The following ESR1 variants were observed in gnomAD, a reference collection of about 807,000 sequenced individuals.
ESR1 encodes the protein estrogen receptor 1, also known as estrogen receptor.
ESR1 carries 12 observed loss-of-function variants against 52.7 expected under a neutral mutation model. That is an observed-to-expected ratio of 0.23 (90% CI 0.15 to 0.37). The LOEUF (loss-of-function observed/expected upper bound fraction) is 0.37. Among genes scored for constraint, ESR1 ranks in the 10% least tolerant of loss-of-function variants. The probability of loss-of-function intolerance (pLI) is 1.00; values close to 1 mark genes in which losing one functional copy is unlikely to be tolerated. For missense variants in ESR1, 584 were observed against 779.7 expected (o/e 0.75, Z 2.99); for synonymous variants, 305 against 316.8 (o/e 0.96, Z 0.39).
chr6:152,036,425 CTTATTT>C (rs2128881916), intron 5 of ESR1, among the ~76,000 whole-genome samples: 1 of 152,242 alleles, frequency 6.6e-6, no homozygotes, highest in Admixed American at 6.5e-5. Flanking sequence ...AAAATGGTTA[CTTATTT>C]TTATTATGCT....
At chr6:151,921,626 C>T (rs1160431765) in intron 3 of ESR1, among the ~76,000 whole-genome samples, 3 of 152,158 alleles carry the variant, frequency 2.0e-5, no homozygotes, top group African/African-American at 7.2e-5. Flanking sequence ...TTAATGATCA[C>T]CATTCTGACT....
chr6:151,796,903 C>T (rs1044456458), intron 2 of ESR1, among the ~76,000 whole-genome samples: 18 of 152,188 alleles, frequency 1.2e-4, no homozygotes, highest in African/African-American at 3.4e-4. Flanking sequence ...CGAAAGAGGC[C>T]GAGCCAATCT....
At chr6:152,023,913 T>C (rs528180774) in intron 5 of ESR1, among the ~76,000 whole-genome samples, 2 of 152,272 alleles carry the variant, frequency 1.3e-5, no homozygotes, top group Non-Finnish European at 2.9e-5. Flanking sequence ...TTTTTGTAAA[T>C]AAAATGTTAC....
At chr6:151,848,848 CAA>C (rs569646750) in intron 2 of ESR1, among the ~76,000 whole-genome samples, 19 of 152,234 alleles carry the variant, frequency 1.2e-4, no homozygotes, top group Admixed American at 7.9e-4. Flanking sequence ...ATCTTACTCT[CAA>C]GAGAAAAATT....
intron 2 of ESR1, among the ~76,000 whole-genome samples, chr6:151,781,884 T>C (rs1394001865): frequency 2.0e-5 from 3 of 152,192 alleles, no homozygotes; most frequent in Non-Finnish European, 2.9e-5. Context: ...ATTTAGAGTG[T>C]CTGGTATAAA....
At chr6:152,114,630 GC>G (rs1318578120) in intron 6 of ESR1, among the ~76,000 whole-genome samples, 3 of 151,982 alleles carry the variant, frequency 2.0e-5, no homozygotes, top group Non-Finnish European at 2.9e-5. Flanking sequence ...GGTGGCTCAC[GC>G]CTGTAATCCC....
chr6:151,944,387 G>T lies in ESR1; in HGVS notation c.975G>T (p.Pro325=), dbSNP rs1801132. ...GTGCCTTGTTGGATGCTGAGCCCCC[G>T]ATACTCTATTCCGAGTATGATCCTA... ...MVSALLDAEP[P]ILYSEYDPTR... is the part of the protein sequence containing the mutation. Residue 325 remains proline, a synonymous_variant, in exon 4 of 8, where the codon CCG becomes CCT. Transcript: ENST00000206249. 6.2e-7 allele frequency: 1 copy of T among 1,613,982 alleles called. No homozygotes were observed.
Position 151,757,765 on chromosome 6 carries a change from C to T in ESR1, c.-70-50078C>T, listed in dbSNP as rs187210058. On this transcript the variant is annotated intron_variant, in intron 2 of 2. Transcript: ENST00000404742. ...CAGTTCTCAGAACAGGTGCCACGACCGAGGAGACAAAACAAGAGCTATAGA... is the reference window on the plus strand; with the variant it reads ...CAGTTCTCAGAACAGGTGCCACGACTGAGGAGACAAAACAAGAGCTATAGA... Among the ~76,000 whole-genome samples, 9 of 152,160 alleles carry T rather than the reference C, an allele frequency of 5.9e-5. No individual in the cohort carries two copies. The East Asian group carries it at 7.7e-4, about 13-fold the overall frequency.
chr6:152,095,598 C>T (rs1276011613), intron 7 of ESR1, among the ~76,000 whole-genome samples: 1 of 152,224 alleles, frequency 6.6e-6, no homozygotes, highest in Non-Finnish European at 1.5e-5. Flanking sequence ...TGTCCACTGA[C>T]ATTTCATTGG....
intron 4 of ESR1, among the ~76,000 whole-genome samples, chr6:151,948,030 C>G (rs958856032): frequency 2.1e-4 from 32 of 152,022 alleles, no homozygotes; most frequent in African/African-American, 7.3e-4. Context: ...ATAATTAAAT[C>G]TTAATTTACT....
chr6:151,853,822 A>T (rs1787328050), intron 2 of ESR1, among the ~76,000 whole-genome samples: 1 of 152,174 alleles, frequency 6.6e-6, no homozygotes. Context: ...GCCATTGACT[A>T]TTTCCATTAA....
At chr6:151,705,571 C>A (rs1209166876) in intron 2 of ESR1, among the ~76,000 whole-genome samples, 1 of 152,124 alleles carries the variant, frequency 6.6e-6, no homozygotes, top group Non-Finnish European at 1.5e-5. Flanking sequence ...TAATATGTGT[C>A]CATTTCCACT....
intron 2 of ESR1, among the ~76,000 whole-genome samples, chr6:151,868,288 C>A (rs374793311): frequency 6.6e-6 from 1 of 151,980 alleles, no homozygotes; most frequent in Non-Finnish European, 1.5e-5. Context: ...CCACCATGCC[C>A]GGCTAATTTT....
intron 2 of ESR1, among the ~76,000 whole-genome samples, chr6:151,766,600 T>G (rs1421829937): frequency 6.6e-6 from 1 of 152,210 alleles, no homozygotes; most frequent in Admixed American, 6.5e-5. Context: ...AATAATGATT[T>G]TGCTGAGTTT....
At chr6:151,844,012 A>G (rs1784711859) in intron 2 of ESR1, among the ~76,000 whole-genome samples, 1 of 151,484 alleles carries the variant, frequency 6.6e-6, no homozygotes, top group Non-Finnish European at 1.5e-5. Flanking sequence ...TGCTTTTAAC[A>G]TCTTTTAGAA....
At chr6:151,762,757 G>T (rs996518663) in intron 2 of ESR1, among the ~76,000 whole-genome samples, 1 of 152,198 alleles carries the variant, frequency 6.6e-6, no homozygotes, top group East Asian at 1.9e-4. Context: ...TGAGGTCAGG[G>T]GTTCAAAGCC....
chr6:151,670,762 GT>G (rs35606990), intron 1 of ESR1, among the ~76,000 whole-genome samples: 13,165 of 85,778 alleles, frequency 0.15, 260 homozygotes, highest in African/African-American at 0.24. Flanking sequence ...TTTTGTTTTC[GT>G]TTTTTTTTTT....
intron 3 of ESR1, among the ~76,000 whole-genome samples, chr6:151,933,202 T>C (rs2033911568): frequency 6.6e-6 from 1 of 150,540 alleles, no homozygotes; most frequent in Non-Finnish European, 1.5e-5. Flanking sequence ...AGGTATTTTA[T>C]TCTCTTTGAA....
intron 1 of ESR1, among the ~76,000 whole-genome samples, chr6:151,829,497 C>T (rs931964711): frequency 2.0e-4 from 30 of 152,254 alleles, no homozygotes; most frequent in African/African-American, 6.3e-4. Flanking sequence ...TCTGATGAAA[C>T]GGCCATTTGT....
Sources: allele counts gnomAD v4.1 joint callset (sites outside exome capture counted in the v4.1 genomes callset), GRCh38; gene constraint gnomAD v4.1.1; transcripts MANE v1.5; gene names NCBI Gene and HGNC (gene_info 2026-07-23, HGNC 2026-07-21).